Variants in PALLD observed in about 807,000 individuals in gnomAD.
PALLD encodes the protein palladin.
Under a neutral mutation model 123.5 loss-of-function variants are expected in PALLD, and 61 were observed. The ratio of observed to expected loss-of-function variants is 0.49; its 90% CI spans 0.40 to 0.61. The LOEUF is 0.61. Ranked by LOEUF, PALLD falls within the 20% of genes least tolerant of loss-of-function variation. The pLI is 0.00. For missense variants in PALLD, 1,273 were observed against 1,377.0 expected (o/e 0.92, Z 1.20); for synonymous variants, 465 against 496.4 (o/e 0.94, Z 0.84).
chr4:168,845,235 T>A (rs1581734114), intron 10 of PALLD, among the ~76,000 whole-genome samples: 1 of 152,228 alleles, frequency 6.6e-6, no homozygotes, highest in South Asian at 2.1e-4. Flanking sequence ...CGGTCAGAAA[T>A]CGAACAAAAT....
intron 9 of PALLD, 29 bp downstream of exon 9, chr4:168,709,176 G>T: frequency 6.2e-7 from 1 of 1,611,532 alleles, no homozygotes; most frequent in Non-Finnish European, 8.5e-7. Flanking sequence ...AAATGACTGG[G>T]TTCTGTTCCC....
chr4:168,894,326 G>A (rs955223553), intron 11 of PALLD: 5 of 500,262 alleles, frequency 1.0e-5, no homozygotes, highest in African/African-American at 1.9e-5. Context: ...TTTCTTCCTT[G>A]TCGCTTATTG....
At chr4:168,762,293 T>A (rs1373872042) in intron 10 of PALLD, among the ~76,000 whole-genome samples, 3 of 152,076 alleles carry the variant, frequency 2.0e-5, no homozygotes, top group African/African-American at 7.2e-5. Flanking sequence ...GCCATCATAA[T>A]GGAACCCCAT....
intron 2 of PALLD, among the ~76,000 whole-genome samples, chr4:168,655,372 A>C (rs541073323): frequency 2.6e-5 from 4 of 152,306 alleles, no homozygotes; most frequent in East Asian, 1.9e-4. Flanking sequence ...GTTCGTGTGC[A>C]CTCATGCCCT....
intron 10 of PALLD, among the ~76,000 whole-genome samples, chr4:168,809,191 T>A (rs769840197): frequency 2.6e-5 from 4 of 152,226 alleles, no homozygotes; most frequent in Non-Finnish European, 4.4e-5. Context: ...GTCTCTTGTT[T>A]TCATGAGGCC....
intron 2 of PALLD, among the ~76,000 whole-genome samples, chr4:168,592,970 T>G (rs994877885): frequency 6.6e-6 from 1 of 151,976 alleles, no homozygotes; most frequent in Non-Finnish European, 1.5e-5. Context: ...AAGGCTTTGC[T>G]CCTGAGATTT....
intron 2 of PALLD, among the ~76,000 whole-genome samples, chr4:168,593,758 C>T (rs73863989): frequency 0.034 from 5,224 of 152,224 alleles, 165 homozygotes; most frequent in African/African-American, 0.087. Context: ...CTTAGTGTTA[C>T]AAAGCAGGCC....
chr4:168,835,183 A>T (rs1009642148), intron 10 of PALLD, among the ~76,000 whole-genome samples: 1 of 152,204 alleles, frequency 6.6e-6, no homozygotes, highest in Non-Finnish European at 1.5e-5. Flanking sequence ...TTGTATCAAA[A>T]CGTATGGCAC....
At chr4:168,533,759 G>A (rs1247610708) in intron 2 of PALLD, among the ~76,000 whole-genome samples, 1 of 152,156 alleles carries the variant, frequency 6.6e-6, no homozygotes, top group Non-Finnish European at 1.5e-5. Context: ...TGGAGAGCCT[G>A]CACCAGGGGA....
At chr4:168,595,415 G>A (rs1167420341) in intron 2 of PALLD, among the ~76,000 whole-genome samples, 2 of 152,082 alleles carry the variant, frequency 1.3e-5, no homozygotes, top group Non-Finnish European at 2.9e-5. Context: ...GTGGGGCCCA[G>A]GGGTCTTCTT....
chr4:168,785,974 A>G (rs1408233697), intron 10 of PALLD, among the ~76,000 whole-genome samples: 1 of 150,890 alleles, frequency 6.6e-6, no homozygotes, highest in African/African-American at 2.4e-5. Context: ...GATTCACATT[A>G]ATATTTTGGG....
chr4:168,635,547 G>A (rs752514520), intron 2 of PALLD, among the ~76,000 whole-genome samples: 41 of 152,112 alleles, frequency 2.7e-4, no homozygotes, highest in Non-Finnish European at 4.0e-4. Context: ...AATCCTCAAG[G>A]CATATGCCAT....
At chr4:168,723,891 C>CT (rs59055427) in intron 10 of PALLD, among the ~76,000 whole-genome samples, 14,909 of 111,738 alleles carry the variant, frequency 0.13, 1,710 homozygotes, top group East Asian at 0.34. Context: ...TTGAGTTGGG[C>CT]TTTTTTTTTT....
At chr4:168,886,328 T>C (rs866970611) in intron 10 of PALLD, among the ~76,000 whole-genome samples, 1 of 152,220 alleles carries the variant, frequency 6.6e-6, no homozygotes, top group African/African-American at 2.4e-5. Flanking sequence ...AATATTTGTC[T>C]AATCACTATT....
chr4:168,733,116 G>A (rs1352879825), intron 10 of PALLD, among the ~76,000 whole-genome samples: 2 of 152,238 alleles, frequency 1.3e-5, no homozygotes, highest in South Asian at 2.1e-4. Flanking sequence ...TATATAATGT[G>A]TAACTATTAA....
Position 168,793,744 on chromosome 4 carries a change from C to T in PALLD, c.1964+81821C>T, listed in dbSNP as rs147938430. On this transcript the variant is annotated intron_variant, in intron 10 of 21. Transcript: ENST00000505667. The stretch of plus-strand genomic sequence containing the variant: ...GAAGAGCACAGCCCATCTTTCCCTC[C>T]CACAGTCGTTATCTCCTACCCTGTG... 3.3e-3 allele frequency among the ~76,000 whole-genome samples: 508 copies of T among 152,264 alleles called. 3 individuals are homozygous for T. Among genetic ancestry groups the T allele is most frequent in the Non-Finnish European group, 5.8e-3 (392 of 68,020 alleles).
chr4:168,606,467 G>A, intron 2 of PALLD, among the ~76,000 whole-genome samples: 1 of 151,928 alleles, frequency 6.6e-6, no homozygotes. Flanking sequence ...GAGGTCAGGA[G>A]ATCGAGACCA....
At chr4:168,590,970 C>T (rs554161901) in intron 2 of PALLD, among the ~76,000 whole-genome samples, 1 of 147,454 alleles carries the variant, frequency 6.8e-6, no homozygotes, top group Admixed American at 6.9e-5. Flanking sequence ...ACCTCCTCCC[C>T]CCAGGTTCAA....
intron 11 of PALLD, 41 bp from the exon 12 acceptor site, chr4:168,894,538 T>A (rs1462604369): frequency 7.5e-7 from 1 of 1,339,908 alleles, no homozygotes; most frequent in Non-Finnish European, 1.1e-6. Flanking sequence ...TATTTGTGAT[T>A]TTTTTCTAAT....
Sources: allele counts gnomAD v4.1 joint callset (sites outside exome capture counted in the v4.1 genomes callset), GRCh38; gene constraint gnomAD v4.1.1; transcripts MANE v1.5; gene names NCBI Gene and HGNC (gene_info 2026-07-23, HGNC 2026-07-21).